Variants in LEPR observed in about 807,000 individuals in gnomAD.
LEPR encodes the protein leptin receptor.
In LEPR, 56 loss-of-function variants were observed where a neutral mutation model predicts 114.7. The observed-to-expected ratio is 0.49, with a 90% CI of 0.39 to 0.61. LEPR has a LOEUF of 0.61. Ranked by LOEUF, LEPR falls within the 20% of genes least tolerant of loss-of-function variation. LEPR has a pLI of 0.00. For synonymous variants in LEPR, 443 were observed against 461.4 expected, an observed-to-expected ratio of 0.96 and a Z score of 0.51; for missense variants, 1,202 against 1,352.9, an observed-to-expected ratio of 0.89 and a Z score of 1.75.
At chr1:65,435,806 A>G in intron 2 of LEPR, 1 of 981,350 alleles carries the variant, frequency 1.0e-6, no homozygotes, top group Non-Finnish European at 1.2e-6. Context: ...GATAAATATT[A>G]GTTGTGCATT....
chr1:65,567,935 T>G (rs1260344044), intron 3 of LEPR, among the ~76,000 whole-genome samples: 2 of 151,984 alleles, frequency 1.3e-5, no homozygotes, highest in Non-Finnish European at 2.9e-5. Context: ...GTCCATAGTT[T>G]ACATTATGGT....
At chr1:65,424,904 G>A (rs1646329073) in intron 1 of LEPR, among the ~76,000 whole-genome samples, 1 of 152,180 alleles carries the variant, frequency 6.6e-6, no homozygotes, top group Admixed American at 6.5e-5. Context: ...GCATCTCACG[G>A]TGAGAGGGAT....
At chr1:65,538,655 G>A (rs1650950614) in intron 2 of LEPR, among the ~76,000 whole-genome samples, 1 of 151,964 alleles carries the variant, frequency 6.6e-6, no homozygotes, top group African/African-American at 2.4e-5. Flanking sequence ...CTAGTATTCG[G>A]TGTTTTGGGA....
chr1:65,484,134 A>G (rs6678718), intron 2 of LEPR, among the ~76,000 whole-genome samples: 102,981 of 151,722 alleles, frequency 0.68, 36,144 homozygotes, highest in Middle Eastern at 0.82. Context: ...TGGGATTAAA[A>G]GCACCAGTCA....
chr1:65,455,883 T>C (rs961245910), intron 2 of LEPR, among the ~76,000 whole-genome samples: 24 of 152,258 alleles, frequency 1.6e-4, no homozygotes, highest in Admixed American at 6.5e-4. Flanking sequence ...CCCCCAGCCT[T>C]GCTGCCGCCT....
At chr1:65,517,578 G>T (rs1461072890) in intron 2 of LEPR, among the ~76,000 whole-genome samples, 1 of 152,150 alleles carries the variant, frequency 6.6e-6, no homozygotes, top group East Asian at 1.9e-4. Context: ...CGGATACTCA[G>T]TAACATTTTT....
intron 2 of LEPR, chr1:65,433,999 A>G: frequency 1.0e-6 from 1 of 985,352 alleles, no homozygotes; most frequent in African/African-American, 1.7e-5. Flanking sequence ...GATGGCAATA[A>G]TGATTCATTT....
At chr1:65,435,960 G>A (rs904686740) in intron 2 of LEPR, 10 of 985,078 alleles carry the variant, frequency 1.0e-5, no homozygotes, top group East Asian at 2.3e-4. Context: ...CAAATGTGAT[G>A]TGAGAGGACG....
intron 2 of LEPR, among the ~76,000 whole-genome samples, chr1:65,539,086 G>A (rs1389916099): frequency 6.8e-6 from 1 of 147,360 alleles, no homozygotes; most frequent in African/African-American, 2.5e-5. Flanking sequence ...GCCTTTGGGG[G>A]GAAATGTTAA....
chr1:65,583,785 A>G (rs1003871709), intron 5 of LEPR, among the ~76,000 whole-genome samples: 2 of 152,124 alleles, frequency 1.3e-5, no homozygotes, highest in African/African-American at 4.8e-5. Flanking sequence ...GTCAATAGAA[A>G]CAGACCCGGA....
At chr1:65,499,317 T>C (rs1484900274) in intron 2 of LEPR, among the ~76,000 whole-genome samples, 1 of 152,072 alleles carries the variant, frequency 6.6e-6, no homozygotes, top group Non-Finnish European at 1.5e-5. Flanking sequence ...ATATTCTTCT[T>C]TTTTAAGGGT....
At chr1:65,521,446 C>T (rs546014167) in intron 2 of LEPR, among the ~76,000 whole-genome samples, 13 of 152,122 alleles carry the variant, frequency 8.5e-5, no homozygotes, top group African/African-American at 2.4e-4. Flanking sequence ...TGACATCTAG[C>T]GACTCCTGGA....
chr1:65,567,629 A>G (rs573697726), intron 3 of LEPR, among the ~76,000 whole-genome samples: 81 of 152,356 alleles, frequency 5.3e-4, no homozygotes, highest in Non-Finnish European at 9.1e-4. Flanking sequence ...TTTAGAAACC[A>G]AACTATTAAC....
chr1:65,539,144 A>G (rs1286512436), intron 2 of LEPR, among the ~76,000 whole-genome samples: 1 of 146,426 alleles, frequency 6.8e-6, no homozygotes, highest in Non-Finnish European at 1.5e-5. Context: ...TGTACTATGC[A>G]TGTAATTTTC....
intron 19 of LEPR, among the ~76,000 whole-genome samples, chr1:65,632,969 A>G (rs1385537545): frequency 6.6e-6 from 1 of 152,124 alleles, no homozygotes; most frequent in Non-Finnish European, 1.5e-5. Flanking sequence ...CATTAAGAAA[A>G]TGGGAGAAGC....
At chr1:65,570,342 T>C (rs2100803515) in intron 3 of LEPR, 131 bp from the exon 4 acceptor site, 1 of 811,208 alleles carries the variant, frequency 1.2e-6, no homozygotes, top group Non-Finnish European at 1.9e-6. Flanking sequence ...AGTTATTCAT[T>C]AGACACTCAC....
At chr1:65,606,276 G>A (rs1202892851) in intron 11 of LEPR, among the ~76,000 whole-genome samples, 2 of 151,900 alleles carry the variant, frequency 1.3e-5, no homozygotes, top group South Asian at 2.1e-4. Context: ...GGATAGCAAG[G>A]AACCCTCCTA....
intron 19 of LEPR, chr1:65,635,458 A>G (rs1207884680): frequency 1.3e-6 from 1 of 780,098 alleles, no homozygotes; most frequent in Non-Finnish European, 1.6e-6. Context: ...TTCATTTCAC[A>G]TGTCCATAGT....
At chr1:65,505,687 C>T (rs1648688832) in intron 2 of LEPR, among the ~76,000 whole-genome samples, 5 of 152,224 alleles carry the variant, frequency 3.3e-5, no homozygotes, top group Middle Eastern at 6.8e-3. Context: ...TGCCTTTTCT[C>T]ACCCCTTCAA....
Sources: allele counts gnomAD v4.1 joint callset (sites outside exome capture counted in the v4.1 genomes callset), GRCh38; gene constraint gnomAD v4.1.1; transcripts MANE v1.5; gene names NCBI Gene and HGNC (gene_info 2026-07-23, HGNC 2026-07-21).